The following CDKN2AIP variants were observed in gnomAD, a reference collection of about 807,000 sequenced individuals.
CDKN2AIP encodes CDKN2A interacting protein.
A neutral mutation model predicts 44.1 loss-of-function variants in CDKN2AIP; 12 were observed. The observed-to-expected ratio is 0.27, with a 90% CI of 0.17 to 0.44. The LOEUF is 0.44. CDKN2AIP is among the 20% of genes least tolerant of loss of function. CDKN2AIP has a pLI of 1.00. For missense variants in CDKN2AIP, 705 were observed against 681.6 expected (o/e 1.03, Z -0.38); for synonymous variants, 291 against 272.1 (o/e 1.07, Z -0.68).
At chr4:183,445,994 T>G (rs1282616523) in intron 2 of CDKN2AIP, 94 bp from the exon 3 acceptor site, 1 of 1,045,758 alleles carries the variant, frequency 9.6e-7, no homozygotes, top group Non-Finnish European at 1.4e-6. Flanking sequence ...TGAAATGTTT[T>G]CACTTTGTGC....
chr4:183,445,315 C>T (rs1733643718), intron 1 of CDKN2AIP: 1 of 624,072 alleles, frequency 1.6e-6, no homozygotes, highest in Admixed American at 3.0e-5. Flanking sequence ...TGTTAGGGAA[C>T]AACGCTCTTG....
chr4:183,447,413 CAAG>C lies in CDKN2AIP; in HGVS notation c.1732_1734del (p.Glu578del). ...CTTACCTCCAGCACTAAAACATCCT[CAAG>C]AATTACTATAATGTGTCCAAAATAT... On this transcript the variant is annotated inframe_deletion, in exon 3 of 3. Transcript: ENST00000504169. The C allele has an allele frequency of 6.5e-7, 1 of 1,533,546 alleles. No homozygotes were observed. Among genetic ancestry groups the C allele is most frequent in the Non-Finnish European group, 8.7e-7 (1 of 1,145,836 alleles). 95.0% of individuals were successfully genotyped at this position (1,533,546 alleles called of 1,614,324 possible).
rs2111225792 is a variant in CDKN2AIP at position 183,446,110 on chromosome 4, A to C, written c.426A>C (p.Lys142Asn). The C allele has an allele frequency of 6.2e-7, 1 of 1,610,220 alleles. No individual in the cohort carries two copies. The highest frequency in any genetic ancestry group is 1.1e-5 in the South Asian group (1 of 90,508). The change falls in exon 3 of 3, where the codon AAA becomes AAC. Residue 142 changes from lysine (K) to asparagine (N), a missense_variant. By Grantham distance (94) the Lys-to-Asn change is moderately conservative. Transcript: ENST00000504169. ...TAGAAGGGGTAGAAGAGCCATCCAAAAAACGAGTTATAGAAGGAAAAAACA... is the reference window on the plus strand; with the variant it reads ...TAGAAGGGGTAGAAGAGCCATCCAACAAACGAGTTATAGAAGGAAAAAACA... ...SSNEGVEEPS[K>N]KRVIEGKNSS...
intron 2 of CDKN2AIP, 170 bp downstream of exon 2, chr4:183,445,835 A>T: frequency 1.5e-6 from 1 of 654,642 alleles, no homozygotes; most frequent in Non-Finnish European, 2.6e-6. Context: ...TAGGCTTTGA[A>T]TTTGATAGTT....
intron 2 of CDKN2AIP, 78 bp from the exon 3 acceptor site, chr4:183,446,005 CTTTAT>C (rs1224071100): frequency 8.8e-6 from 10 of 1,133,268 alleles, no homozygotes; most frequent in Non-Finnish European, 1.0e-5. Context: ...CACTTTGTGC[CTTTAT>C]TTTAATGTGT....
rs754633396 is a variant in CDKN2AIP at position 183,444,951 on chromosome 4, G to C, written c.154G>C (p.Ala52Pro). 1 of 1,611,266 alleles carries C rather than the reference G, an allele frequency of 6.2e-7. No homozygotes were observed. The highest frequency in any genetic ancestry group is 1.1e-5 in the South Asian group (1 of 91,024). The change falls in exon 1 of 3, where the codon GCT (alanine) becomes CCT (proline). Residue 52 changes from alanine to proline, a missense_variant. Ala to Pro is a conservative substitution (Grantham distance 27). Around this residue, in one of 2 missense-constraint regions of CDKN2AIP, gnomAD observed 592 missense variants for 518.0 expected, o/e 1.14. Coordinates refer to ENST00000504169, the MANE Select transcript of CDKN2AIP (RefSeq NM_017632.4). ...NAGDLAPAGG[A>P]ASASTDEAAD... The stretch of plus-strand genomic sequence containing the variant: ...CGGGGACCTGGCCCCCGCTGGCGGC[G>C]CTGCCTCCGCTAGCACGGATGAAGC...
chr4:183,446,452 G>T lies in CDKN2AIP; in HGVS notation c.768G>T (p.Met256Ile), dbSNP rs79181273. 1,262 of 1,613,908 alleles carry T rather than the reference G, an allele frequency of 7.8e-4. 8 individuals are homozygous for T. In the African/African-American group the frequency reaches 0.015, roughly 19 times the overall value. The change falls in exon 3 of 3, where the codon ATG (methionine) becomes ATT (isoleucine). Residue 256 changes from methionine (M) to isoleucine (I), a missense_variant. Physicochemically the swap from Met to Ile is conservative, Grantham distance 10. Transcript: ENST00000504169. ...SLLKSSVNSH[M>I]TQSTDSRQQS... ...TGAAATCCAGTGTGAATAGTCACAT[G>T]ACCCAATCCACTGATTCTAGACAAC...
rs774502460 is a variant in CDKN2AIP, at chr4:183,446,426, C to T, written c.742C>T (p.Leu248=). 2 of 1,613,516 alleles carry T rather than the reference C, an allele frequency of 1.2e-6. No individual in the cohort carries two copies. The highest frequency in any genetic ancestry group is 8.5e-7 in the Non-Finnish European group (1 of 1,179,412). The change falls in exon 3 of 3, where the codon CTG becomes TTG. Residue 248 remains leucine, a synonymous_variant. Coordinates refer to ENST00000504169, the MANE Select transcript of CDKN2AIP (RefSeq NM_017632.4). ...KHGSASFVSL[L]KSSVNSHMTQ... is the part of the protein sequence containing the mutation. ...CGGTTCTGCATCATTTGTTTCCTTG[C>T]TGAAATCCAGTGTGAATAGTCACAT...
rs1733679638 is a variant in CDKN2AIP at position 183,446,400 on chromosome 4, A to G, written c.716A>G (p.His239Arg). Reference protein sequence around the residue: ...KASEAEAPDKHGSASFVSLLK... With the variant: ...KASEAEAPDKRGSASFVSLLK... The stretch of plus-strand genomic sequence containing the variant: ...TCTGAAGCAGAAGCTCCAGATAAAC[A>G]CGGTTCTGCATCATTTGTTTCCTTG... The change falls in exon 3 of 3, where the codon CAC becomes CGC. Residue 239 changes from histidine (H) to arginine (R), a missense_variant. Physicochemically the swap from His to Arg is conservative, Grantham distance 29. Transcript: ENST00000504169. 1.3e-6 allele frequency: 2 copies of G among 1,560,262 alleles called. No individual in the cohort carries two copies. Among genetic ancestry groups the G allele is most frequent in the Non-Finnish European group, 1.8e-6 (2 of 1,141,590 alleles).
At chr4:183,445,209 C>T in intron 1 of CDKN2AIP, 140 bp downstream of exon 1, 1 of 1,072,162 alleles carries the variant, frequency 9.3e-7, no homozygotes, top group Admixed American at 2.7e-5. Flanking sequence ...CGGCTGCCCT[C>T]TAAGGGGGAG....
rs1733725970 is a variant in CDKN2AIP, at chr4:183,448,294, T to G, written c.*867T>G. On this transcript the variant is annotated 3_prime_UTR_variant, in exon 3 of 3. Coordinates refer to ENST00000504169, the MANE Select transcript of CDKN2AIP (RefSeq NM_017632.4). ...TAGACAACCAGGTAATTGTGTGATA[T>G]ACATCTTTATTTAATTTTTTTTTTT... 1 of 152,144 alleles carries G rather than the reference T, an allele frequency of 6.6e-6. No homozygotes were observed. The highest frequency in any genetic ancestry group is 6.5e-5 in the Admixed American group (1 of 15,282). The allele number at this position is 152,144 out of a possible 1,614,324, so 9.4% of individuals were successfully genotyped here.
rs549867605 is a variant in CDKN2AIP, at chr4:183,448,475, C to T, written c.*1048C>T. On this transcript the variant is annotated 3_prime_UTR_variant, in exon 3 of 3. Transcript: ENST00000504169. ...ATAATGAGCCTATTCAATTTAACTACATTCGTTAAAATGAAGTGGAATTTT... is the reference window on the plus strand; with the variant it reads ...ATAATGAGCCTATTCAATTTAACTATATTCGTTAAAATGAAGTGGAATTTT... 5.3e-5 allele frequency among the ~76,000 whole-genome samples: 8 copies of T among 152,286 alleles called. No homozygotes were observed. The highest frequency in any genetic ancestry group is 1.7e-4 in the African/African-American group (7 of 41,574).
In CDKN2AIP at chr4:183,447,159, C is replaced by G. The variant is rs747896830; in HGVS notation, c.1475C>G (p.Pro492Arg). 5 of 1,613,924 alleles carry G rather than the reference C, an allele frequency of 3.1e-6. No homozygotes were observed. The highest frequency in any genetic ancestry group is 4.2e-6 in the Non-Finnish European group (5 of 1,179,980). ...CCACTAAAAGAATTGGCAGATCTGC[C>G]TCAAAATAAGAGCTCTCAAGAAAGT... Reference protein sequence around the residue: ...FVPLKELADLPQNKSSQESIV... With the variant: ...FVPLKELADLRQNKSSQESIV... Residue 492 changes from proline (P) to arginine (R), a missense_variant, in exon 3 of 3, where the codon CCT becomes CGT. Pro to Arg is a moderately radical substitution (Grantham distance 103, BLOSUM62 -2). Coordinates refer to ENST00000504169, the MANE Select transcript of CDKN2AIP (RefSeq NM_017632.4).
rs143679105 is a variant in CDKN2AIP, at chr4:183,446,485, A to T, written c.801A>T (p.Gly267=). ...CCACTGATTCTAGACAACAAAGTGG[A>T]TCACCTAAAAAGAGTGCTTTGGAAG... ...TQSTDSRQQS[G]SPKKSALEGS... is the part of the protein sequence containing the mutation. Residue 267 remains glycine, a synonymous_variant, in exon 3 of 3, where the codon GGA becomes GGT. Transcript: ENST00000504169. The T allele has an allele frequency of 1.2e-4, 191 of 1,613,812 alleles. No individual in the cohort carries two copies. The highest frequency in any genetic ancestry group is 1.5e-4 in the Non-Finnish European group (180 of 1,179,780).
Position 183,445,593 on chromosome 4 carries a change from G to C in CDKN2AIP, c.331G>C (p.Asp111His). The C allele has an allele frequency of 6.2e-7, 1 of 1,609,662 alleles. No individual in the cohort carries two copies. Among genetic ancestry groups the C allele is most frequent in the Non-Finnish European group, 8.5e-7 (1 of 1,175,938 alleles). ...LSMAEGIKVT[D>H]APTYTTRDEL... ...TATGGCTGAAGGCATCAAAGTGACA[G>C]ATGCTCCAACCTATACAACAAGAGA... The change falls in exon 2 of 3, where the codon GAT becomes CAT. Residue 111 changes from aspartate to histidine, a missense_variant. Physicochemically the swap from Asp to His is moderately conservative, Grantham distance 81. This residue lies in a region of CDKN2AIP where 592 missense variants were observed against 518.0 expected (regional missense o/e 1.14). Transcript: ENST00000504169.
In CDKN2AIP at chr4:183,444,899, C is replaced by G. The variant is rs754800215; in HGVS notation, c.102C>G (p.His34Gln). The G allele has an allele frequency of 6.2e-7, 1 of 1,608,276 alleles. No homozygotes were observed. The highest frequency in any genetic ancestry group is 1.1e-5 in the South Asian group (1 of 90,616). ...GCGAGACTGACAAACACTGGCGCCA[C>G]CGCCGGGATTTTTTGCTTCGCAACG... is the stretch of plus-strand genomic sequence containing the variant. ...CDGETDKHWR[H>Q]RRDFLLRNAG... Residue 34 changes from histidine to glutamine, a missense_variant, in exon 1 of 3, where the codon CAC (histidine) becomes CAG (glutamine). Physicochemically the swap from His to Gln is conservative, Grantham distance 24. Around this residue, in one of 2 missense-constraint regions of CDKN2AIP, gnomAD observed 592 missense variants for 518.0 expected, o/e 1.14. Transcript: ENST00000504169.
At chr4:183,445,738 A>C in intron 2 of CDKN2AIP, 73 bp downstream of exon 2, 1 of 1,321,582 alleles carries the variant, frequency 7.6e-7, no homozygotes, top group Non-Finnish European at 1.1e-6. Flanking sequence ...AATTATTGTT[A>C]CTAATTTTTT....
chr4:183,445,052 C>T lies in CDKN2AIP; in HGVS notation c.255C>T (p.His85=), dbSNP rs752287980. Residue 85 remains histidine, a synonymous_variant, in exon 1 of 3, where the codon CAC becomes CAT. Transcript: ENST00000504169. ...LISFSMAWAN[H]VFLGCRYPQK... ...CCTTTTCCATGGCCTGGGCGAACCA[C>T]GTCTTCCTCGGGTGCCGGTGAGTGA... is the stretch of plus-strand genomic sequence containing the variant. The T allele has an allele frequency of 3.2e-5, 50 of 1,586,482 alleles. No individual in the cohort carries two copies. The highest frequency in any genetic ancestry group is 4.3e-5 in the Non-Finnish European group (50 of 1,159,324).
chr4:183,445,183 C>T (rs1238035660), intron 1 of CDKN2AIP, 114 bp downstream of exon 1: 2 of 1,335,126 alleles, frequency 1.5e-6, no homozygotes, highest in East Asian at 2.4e-5. Flanking sequence ...TTGTGAAGCG[C>T]GGGAATCCGC....
Sources: allele counts gnomAD v4.1 joint callset (sites outside exome capture counted in the v4.1 genomes callset), GRCh38; gene constraint gnomAD v4.1.1; regional missense constraint gnomAD v4.1.1; transcripts MANE v1.5; gene names NCBI Gene and HGNC (gene_info 2026-07-23, HGNC 2026-07-21).